The following PLEKHA6 variants were observed in gnomAD, a reference collection of about 807,000 sequenced individuals.
The protein encoded by PLEKHA6 is pleckstrin homology domain containing A6.
PLEKHA6 carries 60 observed loss-of-function variants against 116.7 expected under a neutral mutation model. The observed-to-expected ratio is 0.51, with a 90% CI of 0.42 to 0.64. The LOEUF (loss-of-function observed/expected upper bound fraction) is 0.64, where lower values mean the gene tolerates loss of function less well. PLEKHA6 is among the 30% of genes least tolerant of loss of function. The pLI is 0.00. For synonymous variants in PLEKHA6, 489 were observed against 556.1 expected (o/e 0.88, Z 1.70); for missense variants, 1,338 against 1,422.7 (o/e 0.94, Z 0.96).
At chr1:204,347,206 G>GAT (rs1178768310) in intron 1 of PLEKHA6, 1 of 1,137,756 alleles carries the variant, frequency 8.8e-7, no homozygotes, top group Non-Finnish European at 1.3e-6. Flanking sequence ...TTTTCTAAAA[G>GAT]GCCTAGAGAA....
intron 5 of PLEKHA6, 120 bp downstream of exon 5, chr1:204,267,355 A>G: frequency 1.3e-6 from 1 of 791,192 alleles, no homozygotes; most frequent in South Asian, 1.4e-5. Context: ...CCAGGACCAC[A>G]GTGAGGAGAT....
chr1:204,255,737 A>G (rs1202154563), intron 9 of PLEKHA6: 1 of 697,794 alleles, frequency 1.4e-6, no homozygotes, highest in East Asian at 2.7e-5. Context: ...AGGAACACAC[A>G]AAAGAAAACA....
intron 17 of PLEKHA6, 109 bp from the exon 18 acceptor site, chr1:204,230,695 C>T: frequency 1.1e-6 from 1 of 913,100 alleles, no homozygotes; most frequent in Non-Finnish European, 1.6e-6. Flanking sequence ...CTGTAGTGGA[C>T]TGAAGAGTGG....
At chr1:204,331,826 C>T (rs1004656179) in intron 1 of PLEKHA6, among the ~76,000 whole-genome samples, 2 of 151,932 alleles carry the variant, frequency 1.3e-5, no homozygotes, top group South Asian at 2.1e-4. Flanking sequence ...CTGTCCCCCC[C>T]GGGTCCCAAA....
intron 21 of PLEKHA6, among the ~76,000 whole-genome samples, chr1:204,226,828 T>C (rs11240700): frequency 0.52 from 78,708 of 152,112 alleles, 21,029 homozygotes; most frequent in African/African-American, 0.66. Context: ...ATTAGCAAAA[T>C]GACAAATGGT....
chr1:204,239,051 C>T (rs552311793), intron 17 of PLEKHA6, among the ~76,000 whole-genome samples: 7 of 152,336 alleles, frequency 4.6e-5, no homozygotes, highest in African/African-American at 7.2e-5. Context: ...GGATGGAACT[C>T]TGTGAGTGGT....
At chr1:204,290,548 T>TA (rs1669639649) in intron 1 of PLEKHA6, among the ~76,000 whole-genome samples, 1 of 152,090 alleles carries the variant, frequency 6.6e-6, no homozygotes, top group East Asian at 1.9e-4. Flanking sequence ...ATGAAAGAGC[T>TA]AAAACTACAA....
chr1:204,259,199 C>T lies in PLEKHA6; in HGVS notation c.1007+59G>A. The stretch of plus-strand genomic sequence containing the variant: ...GGATGCCTCGTGGGCTATGACCCCA[C>T]TCGCACGCTCTAGCCATAATACCAT... On this transcript the variant is annotated intron_variant, in intron 8 of 22. Coordinates refer to ENST00000272203, the MANE Select transcript of PLEKHA6 (RefSeq NM_014935.5). The surrounding 1 kb of genome is among the most constrained non-coding windows in gnomAD (Gnocchi z 4.6). The T allele has an allele frequency of 6.4e-7, 1 of 1,560,256 alleles. No individual in the cohort carries two copies. The highest frequency in any genetic ancestry group is 1.2e-5 in the South Asian group (1 of 83,546).
At chr1:204,343,451 C>A (rs1296204110) in intron 1 of PLEKHA6, among the ~76,000 whole-genome samples, 1 of 152,132 alleles carries the variant, frequency 6.6e-6, no homozygotes, top group Non-Finnish European at 1.5e-5. Flanking sequence ...AGGATTATAA[C>A]CGGGGTCACA....
chr1:204,224,378 G>A (rs1386413327), intron 21 of PLEKHA6, among the ~76,000 whole-genome samples: 1 of 151,934 alleles, frequency 6.6e-6, no homozygotes, highest in Non-Finnish European at 1.5e-5. Context: ...CGCGAGGCAG[G>A]AGGATGGCAG....
At chr1:204,332,694 T>C (rs17405885) in intron 1 of PLEKHA6, among the ~76,000 whole-genome samples, 30,418 of 152,108 alleles carry the variant, frequency 0.2, 3,524 homozygotes, top group Non-Finnish European at 0.26. Context: ...CCTCACTCTT[T>C]AGGCACTAAG....
intron 17 of PLEKHA6, among the ~76,000 whole-genome samples, chr1:204,240,697 T>C (rs552646769): frequency 5.9e-5 from 9 of 152,308 alleles, no homozygotes; most frequent in Non-Finnish European, 1.3e-4. Flanking sequence ...AGATTATGTA[T>C]GATCTCAGGA....
intron 1 of PLEKHA6, among the ~76,000 whole-genome samples, chr1:204,339,391 T>A (rs970513450): frequency 2.0e-5 from 3 of 152,182 alleles, no homozygotes; most frequent in East Asian, 3.8e-4. Context: ...CGGCAATACA[T>A]AACCGGAACA....
At chr1:204,371,506 G>T (rs1280163280) in intron 2 of PLEKHA6, 1 of 152,276 alleles carries the variant, frequency 6.6e-6, no homozygotes, top group African/African-American at 2.4e-5. Flanking sequence ...CAATTGCAAA[G>T]GCAGGGACAG....
At chr1:204,281,758 T>C (rs554319980) in intron 1 of PLEKHA6, among the ~76,000 whole-genome samples, 1 of 152,226 alleles carries the variant, frequency 6.6e-6, no homozygotes, top group Non-Finnish European at 1.5e-5. Flanking sequence ...GCCACAGTTA[T>C]TTCCAAACTG....
intron 15 of PLEKHA6, among the ~76,000 whole-genome samples, chr1:204,244,144 A>T: frequency 6.9e-6 from 1 of 144,400 alleles, no homozygotes; most frequent in East Asian, 2.1e-4. Flanking sequence ...TTTTATTATT[A>T]TTTTTTGAGA....
intron 12 of PLEKHA6, 79 bp downstream of exon 12, chr1:204,248,742 A>C: frequency 1.5e-6 from 2 of 1,364,636 alleles, no homozygotes; most frequent in African/African-American, 2.8e-5. Flanking sequence ...CTGGACTAGG[A>C]CAGCACAAGC....
intron 1 of PLEKHA6, among the ~76,000 whole-genome samples, chr1:204,287,949 A>G (rs968639514): frequency 6.6e-6 from 1 of 152,226 alleles, no homozygotes; most frequent in Non-Finnish European, 1.5e-5. Flanking sequence ...CTTCTAATAA[A>G]TAGTAATGAT....
intron 1 of PLEKHA6, among the ~76,000 whole-genome samples, chr1:204,332,761 C>T (rs1312922809): frequency 6.6e-6 from 1 of 152,192 alleles, no homozygotes; most frequent in Non-Finnish European, 1.5e-5. Context: ...CTAATCCCGG[C>T]AGCAGTCCCA....
Sources: allele counts gnomAD v4.1 joint callset (sites outside exome capture counted in the v4.1 genomes callset), GRCh38; gene constraint gnomAD v4.1.1; non-coding constraint Gnocchi (gnomAD v3.1); transcripts MANE v1.5; gene names NCBI Gene and HGNC (gene_info 2026-07-23, HGNC 2026-07-21).